The following SPTLC2 variants were observed in gnomAD, a reference collection of about 807,000 sequenced individuals.
SPTLC2 encodes the protein serine palmitoyltransferase long chain base subunit 2, also known as serine palmitoyltransferase 2.
In SPTLC2, 21 loss-of-function variants were observed where a neutral mutation model predicts 62.0. The ratio of observed to expected loss-of-function variants is 0.34; its 90% CI spans 0.24 to 0.49. The LOEUF is 0.49. SPTLC2 is among the 20% of genes least tolerant of loss of function. The probability of loss-of-function intolerance (pLI) is 0.99; values close to 1 mark genes in which losing one functional copy is unlikely to be tolerated. For missense variants in SPTLC2, 511 were observed against 713.0 expected, an observed-to-expected ratio of 0.72 and a Z score of 3.23; for synonymous variants, 261 against 261.8, an observed-to-expected ratio of 1.00 and a Z score of 0.03.
intron 9 of SPTLC2, among the ~76,000 whole-genome samples, chr14:77,550,126 C>T (rs1367417800): frequency 1.3e-5 from 2 of 152,178 alleles, no homozygotes; most frequent in Non-Finnish European, 2.9e-5. Context: ...TCACAGGCTC[C>T]ACTATGTGTT....
chr14:77,534,165 T>TTC lies in SPTLC2; in HGVS notation c.1304-12586_1304-12585dup, dbSNP rs34111263. 4.2e-3 allele frequency among the ~76,000 whole-genome samples: 348 copies of TTC among 82,940 alleles called. 2 individuals are homozygous for TTC. The highest frequency in any genetic ancestry group is 0.019 in the South Asian group (44 of 2,336). The allele number at this position is 82,940 out of a possible 152,430, so 54.4% of individuals were successfully genotyped here. ...AGAATGAGACCCTGTCTCTCTCTCT[T>TTC]TCTCTCTCTCTCTCACACACACACA... On this transcript the variant is annotated intron_variant, in intron 9 of 11. Coordinates refer to ENST00000216484, the MANE Select transcript of SPTLC2 (RefSeq NM_004863.4).
chr14:77,569,832 T>A (rs1334682011), intron 5 of SPTLC2, among the ~76,000 whole-genome samples: 1 of 30,904 alleles, frequency 3.2e-5, no homozygotes, highest in Admixed American at 4.2e-4. Context: ...TATATATATA[T>A]AATATACAAT....
intron 7 of SPTLC2, among the ~76,000 whole-genome samples, chr14:77,556,701 A>T (rs1208754560): frequency 6.6e-6 from 1 of 150,438 alleles, no homozygotes; most frequent in Non-Finnish European, 1.5e-5. Context: ...CTAAAATAAA[A>T]TATTTATTAA....
intron 6 of SPTLC2, among the ~76,000 whole-genome samples, chr14:77,559,872 T>C (rs1162766506): frequency 1.3e-5 from 2 of 151,878 alleles, no homozygotes; most frequent in Non-Finnish European, 2.9e-5. Context: ...GCCTGGGTGA[T>C]GCAGCAAGAC....
In SPTLC2 at chr14:77,588,236, C is replaced by G. The variant is rs533731242; in HGVS notation, c.327+8950G>C. Among the ~76,000 whole-genome samples the G allele has an allele frequency of 2.0e-5, 3 of 152,266 alleles. No homozygotes were observed. In the East Asian group the frequency reaches 5.8e-4, roughly 29 times the overall value. On this transcript the variant is annotated intron_variant, in intron 2 of 11. Coordinates refer to ENST00000216484, the MANE Select transcript of SPTLC2 (RefSeq NM_004863.4). ...TATTGGTATGAGCCACCACACCCAG[C>G]TGGAAAATGTATTTTCTACTAAAGA... is the stretch of plus-strand genomic sequence containing the variant.
At chr14:77,518,970 C>T (rs1475002013) in intron 10 of SPTLC2, among the ~76,000 whole-genome samples, 1 of 152,224 alleles carries the variant, frequency 6.6e-6, no homozygotes, top group East Asian at 1.9e-4. Context: ...AAATTGGAGG[C>T]CCTGTGGCCT....
intron 2 of SPTLC2, among the ~76,000 whole-genome samples, chr14:77,583,755 C>G (rs1240760144): frequency 6.6e-6 from 1 of 152,172 alleles, no homozygotes; most frequent in Non-Finnish European, 1.5e-5. Flanking sequence ...TCCCTAAGAA[C>G]TCTTAGTGTA....
At chr14:77,524,942 G>A (rs1180666750) in intron 9 of SPTLC2, among the ~76,000 whole-genome samples, 1 of 152,118 alleles carries the variant, frequency 6.6e-6, no homozygotes, top group African/African-American at 2.4e-5. Context: ...TGATAGCACA[G>A]GATGACTACA....
intron 5 of SPTLC2, among the ~76,000 whole-genome samples, chr14:77,563,571 G>A (rs909186022): frequency 1.3e-5 from 2 of 152,118 alleles, no homozygotes; most frequent in Admixed American, 1.3e-4. Flanking sequence ...GATTACAGGA[G>A]CCCACCACCA....
At position 77,613,809 on chromosome 14, in the gene SPTLC2, T is replaced by C. The variant is rs534646502; in HGVS notation, c.132+2639A>G. ...TTCCCCCCCAGAAAGAGGGGAAAGA[T>C]AGGTAGAGGTTGGAGCACAAGCACA... On this transcript the variant is annotated intron_variant, in intron 1 of 11. Transcript: ENST00000216484. Among the ~76,000 whole-genome samples the C allele has an allele frequency of 1.3e-5, 2 of 152,324 alleles. 1 individual carries two copies. The highest frequency in any genetic ancestry group is 4.1e-4 in the South Asian group (2 of 4,826).
intron 5 of SPTLC2, among the ~76,000 whole-genome samples, chr14:77,569,152 T>C (rs1262605445): frequency 3.3e-5 from 5 of 152,222 alleles, no homozygotes; most frequent in Non-Finnish European, 5.9e-5. Flanking sequence ...TGCTCTGAAA[T>C]CTTTGTTTAT....
At chr14:77,578,810 G>T in intron 3 of SPTLC2, 145 bp downstream of exon 3, 2 of 794,666 alleles carry the variant, frequency 2.5e-6, no homozygotes, top group Non-Finnish European at 4.2e-6. Context: ...GCTCAACAAT[G>T]AAGAATATGT....
intron 9 of SPTLC2, among the ~76,000 whole-genome samples, chr14:77,541,482 CTG>C (rs1161722842): frequency 1.4e-5 from 2 of 144,058 alleles, no homozygotes; most frequent in East Asian, 1.9e-4. Context: ...TGCAAGGACT[CTG>C]TGCACACAGA....
chr14:77,570,962 G>C (rs546411599), intron 4 of SPTLC2, among the ~76,000 whole-genome samples: 101 of 152,216 alleles, frequency 6.6e-4, no homozygotes, highest in African/African-American at 2.2e-3. Context: ...TAAGGAGAGG[G>C]GGAGACAGAG....
intron 4 of SPTLC2, among the ~76,000 whole-genome samples, chr14:77,572,192 G>A (rs576805286): frequency 6.6e-6 from 1 of 152,350 alleles, no homozygotes; most frequent in South Asian, 2.1e-4. Context: ...CACAAGGCTT[G>A]TCATTTCTGG....
chr14:77,545,724 C>T (rs2079525072), intron 9 of SPTLC2, among the ~76,000 whole-genome samples: 1 of 152,030 alleles, frequency 6.6e-6, no homozygotes, highest in South Asian at 2.1e-4. Context: ...AAAAGCAATT[C>T]CAATTATGTG....
At position 77,596,936 on chromosome 14, in the gene SPTLC2, T is replaced by G. The variant is rs17751923; in HGVS notation, c.327+250A>C. On this transcript the variant is annotated intron_variant, in intron 2 of 11. Transcript: ENST00000216484. Reference sequence around the variant, plus strand: ...GTTTAACTTGTGACTTTTTGATTTCTAATCCATAAAACAGGGATAGTGCCG... The same window carrying G: ...GTTTAACTTGTGACTTTTTGATTTCGAATCCATAAAACAGGGATAGTGCCG... 0.099 allele frequency among the ~76,000 whole-genome samples: 15,009 copies of G among 152,262 alleles called. 861 individuals carry two copies. The highest frequency in any genetic ancestry group is 0.18 in the Admixed American group (2,761 of 15,288).
chr14:77,534,873 A>G (rs4903599), intron 9 of SPTLC2, among the ~76,000 whole-genome samples: 34,949 of 152,090 alleles, frequency 0.23, 4,790 homozygotes, highest in East Asian at 0.56. Flanking sequence ...GACAACAAAC[A>G]AAATTAATAC....
In SPTLC2 at chr14:77,557,164, G is replaced by C. The variant is rs374768896; in HGVS notation, c.851-18C>G. 9 of 1,595,460 alleles carry C rather than the reference G, an allele frequency of 5.6e-6. No individual in the cohort carries two copies. The highest frequency in any genetic ancestry group is 7.7e-6 in the Non-Finnish European group (9 of 1,165,322). ...TTGCATATCTACAGAGCACAAAAAA[G>C]AACAGTTATACCGCATCTTCCTCTT... On this transcript the variant is annotated intron_variant, in intron 6 of 11. Coordinates refer to ENST00000216484, the MANE Select transcript of SPTLC2 (RefSeq NM_004863.4).
Sources: gnomAD v4.1 joint callset for allele counts (sites outside exome capture counted in the v4.1 genomes callset) on GRCh38, gnomAD v4.1.1 for gene constraint, MANE v1.5 for transcripts, NCBI Gene and HGNC (gene_info 2026-07-23, HGNC 2026-07-21) for gene names.